The following FBRSL1 variants were observed in gnomAD, a reference collection of about 807,000 sequenced individuals.
FBRSL1 encodes fibrosin like 1, also known as fibrosin-1-like protein.
Under a neutral mutation model 89.6 loss-of-function variants are expected in FBRSL1, and 51 were observed. That is an observed-to-expected ratio of 0.57 (90% CI 0.45 to 0.72). The LOEUF is 0.72. Among genes scored for constraint, FBRSL1 ranks in the 30% least tolerant of loss-of-function variants. The pLI, the probability that FBRSL1 is intolerant of heterozygous loss-of-function variation, is 0.00. For synonymous variants in FBRSL1, 779 were observed against 681.1 expected (o/e 1.14, Z -2.24); for missense variants, 1,618 against 1,451.8 (o/e 1.11, Z -1.86).
chr12:132,549,211 C>T (rs541549850), intron 5 of FBRSL1, among the ~76,000 whole-genome samples: 41 of 152,310 alleles, frequency 2.7e-4, no homozygotes, highest in Non-Finnish European at 5.3e-4. Context: ...GCCGCAGTGC[C>T]GGGCTCAGCC....
In FBRSL1 at chr12:132,525,717, GTCTC is replaced by G; in HGVS notation, c.490-11_490-8del. ...GAGGTGGGGGTTTGCCTGAGACAGT[GTCTC>G]TCTCTGTCCCAGATGAAGGTCACCG... is the stretch of plus-strand genomic sequence containing the variant. On this transcript the variant is annotated splice_polypyrimidine_tract_variant and intron_variant, in intron 2 of 18. Transcript: ENST00000680143. The G allele has an allele frequency of 6.5e-7, 1 of 1,542,018 alleles. No individual in the cohort carries two copies. Among genetic ancestry groups the G allele is most frequent in the Non-Finnish European group, 8.8e-7 (1 of 1,139,504 alleles).
intron 1 of FBRSL1, among the ~76,000 whole-genome samples, chr12:132,500,178 A>G (rs534215198): frequency 1.3e-5 from 2 of 152,052 alleles, no homozygotes; most frequent in South Asian, 2.1e-4. Flanking sequence ...ACCCTGCCCC[A>G]CTGAGGCCAG....
At chr12:132,504,561 C>T (rs530286945) in intron 1 of FBRSL1, among the ~76,000 whole-genome samples, 26 of 152,188 alleles carry the variant, frequency 1.7e-4, no homozygotes, top group Middle Eastern at 3.4e-3. Context: ...CCCCTGTGTG[C>T]GCAGGTGTGG....
intron 5 of FBRSL1, chr12:132,554,163 C>T (rs1449080565): frequency 6.6e-6 from 1 of 152,268 alleles, no homozygotes; most frequent in African/African-American, 2.4e-5. Context: ...GTCAGACCCT[C>T]AAGCGTCGGT....
At chr12:132,510,154 C>T (rs572063621) in intron 2 of FBRSL1, 3 of 1,225,252 alleles carry the variant, frequency 2.4e-6, no homozygotes, top group Non-Finnish European at 3.1e-6. Context: ...CCAGAGCAGC[C>T]CTGCCAGCCC....
intron 4 of FBRSL1, among the ~76,000 whole-genome samples, chr12:132,531,541 C>CTG (rs997871579): frequency 2.1e-5 from 3 of 140,146 alleles, no homozygotes; most frequent in South Asian, 2.3e-4. Context: ...CTCTGGGCCT[C>CTG]TGTGTGTGCG....
At chr12:132,572,756 G>A (rs1343912669) in intron 11 of FBRSL1, 134 bp downstream of exon 11, 1 of 686,722 alleles carries the variant, frequency 1.5e-6, no homozygotes, top group East Asian at 2.7e-5. Context: ...TCATCTGGGT[G>A]CTGGCGTGAG....
In FBRSL1 at chr12:132,580,757, G is replaced by A. The variant is rs190221421; in HGVS notation, c.1835-682G>A. The A allele has an allele frequency of 3.0e-4, 298 of 985,310 alleles. 2 individuals are homozygous for A. The highest frequency in any genetic ancestry group is 8.9e-4 in the South Asian group (19 of 21,280). The allele number at this position is 985,310 out of a possible 1,614,324, so 61.0% of individuals were successfully genotyped here. A position where few individuals can be genotyped will look rare whatever the true frequency, so the allele number is the denominator to read the frequency against. On this transcript the variant is annotated intron_variant, in intron 15 of 18. Coordinates refer to ENST00000680143, the MANE Select transcript of FBRSL1 (RefSeq NM_001367871.1). ...CTAAGATTAGGGCTGGGAGGGAGTC[G>A]GAGTAACCTAAAGATGACGCCCTGC... is the stretch of plus-strand genomic sequence containing the variant.
intron 5 of FBRSL1, among the ~76,000 whole-genome samples, chr12:132,549,518 C>T (rs535907049): frequency 2.8e-4 from 42 of 152,356 alleles, no homozygotes; most frequent in African/African-American, 1.0e-3. Flanking sequence ...CCCCTCCCCA[C>T]CTCCTTTCAT....
intron 2 of FBRSL1, among the ~76,000 whole-genome samples, chr12:132,514,228 G>T (rs1413500562): frequency 6.6e-6 from 1 of 152,066 alleles, no homozygotes; most frequent in Non-Finnish European, 1.5e-5. Context: ...GTGGGGGGCT[G>T]GGGGGGCACC....
At chr12:132,527,878 G>A in intron 3 of FBRSL1, 75 bp from the exon 4 acceptor site, 1 of 1,407,780 alleles carries the variant, frequency 7.1e-7, no homozygotes, top group Non-Finnish European at 9.8e-7. Context: ...GGGCTGCAGG[G>A]CAGCTGTCGG....
At chr12:132,542,408 G>T (rs547149951) in intron 4 of FBRSL1, among the ~76,000 whole-genome samples, 2 of 152,356 alleles carry the variant, frequency 1.3e-5, no homozygotes, top group South Asian at 4.1e-4. Flanking sequence ...GCCACTGTTA[G>T]AGGTACCTCG....
intron 2 of FBRSL1, among the ~76,000 whole-genome samples, chr12:132,516,685 C>T (rs1034770114): frequency 2.0e-5 from 3 of 152,154 alleles, no homozygotes; most frequent in Admixed American, 2.0e-4. Context: ...TAACTATTCC[C>T]ATTTGCCGGA....
intron 5 of FBRSL1, chr12:132,566,436 C>G (rs935110797): frequency 3.3e-5 from 5 of 149,860 alleles, no homozygotes; most frequent in African/African-American, 1.2e-4. Flanking sequence ...GAAGAAGAAA[C>G]TAGGAGGGAA....
rs78543086 is a variant in FBRSL1 at position 132,507,891 on chromosome 12, T to C, written c.292-262T>C. Among the ~76,000 whole-genome samples, 1,786 of 152,224 alleles carry C rather than the reference T, an allele frequency of 0.012. 44 individuals are homozygous for C. In the East Asian group the frequency reaches 0.12, roughly 10 times the overall value. On this transcript the variant is annotated intron_variant, in intron 1 of 18. Transcript: ENST00000680143. ...CCTGTGAAGCTTACTGGAGACTCCC[T>C]GCTGGACTAAGCTTTTTCTCGTCTG...
rs2032603985 is a variant in FBRSL1 at position 132,499,458 on chromosome 12, C to T, written c.291+8597C>T. ...CACCGGCTGTGTGCCAGGCCCTGGG[C>T]CGGCCCCCAAGATACACCCACAGGC... On this transcript the variant is annotated intron_variant, in intron 1 of 18. Coordinates refer to ENST00000680143, the MANE Select transcript of FBRSL1 (RefSeq NM_001367871.1). This position sits in a 1 kb window ranked among gnomAD's most constrained non-coding sequence, Gnocchi z 4.3. Among the ~76,000 whole-genome samples the T allele has an allele frequency of 6.6e-6, 1 of 152,204 alleles. No individual in the cohort carries two copies. The highest frequency in any genetic ancestry group is 1.5e-5 in the Non-Finnish European group (1 of 68,032).
At chr12:132,548,101 G>T in intron 5 of FBRSL1, 69 bp downstream of exon 5, 1 of 1,523,574 alleles carries the variant, frequency 6.6e-7, no homozygotes, top group South Asian at 1.2e-5. Flanking sequence ...TTGGCCCTGT[G>T]AGGTGGGCCC....
At chr12:132,518,942 T>C (rs1234873341) in intron 2 of FBRSL1, among the ~76,000 whole-genome samples, 2 of 141,522 alleles carry the variant, frequency 1.4e-5, no homozygotes, top group Non-Finnish European at 3.1e-5. Context: ...TCTGTCCATC[T>C]ATCCACCCAT....
intron 4 of FBRSL1, among the ~76,000 whole-genome samples, chr12:132,538,268 G>T (rs893018632): frequency 6.6e-6 from 1 of 152,234 alleles, no homozygotes; most frequent in Non-Finnish European, 1.5e-5. Flanking sequence ...GGCTCTCCAG[G>T]CCTGCTCCCT....
Sources: allele counts gnomAD v4.1 joint callset (sites outside exome capture counted in the v4.1 genomes callset), GRCh38; gene constraint gnomAD v4.1.1; non-coding constraint Gnocchi (gnomAD v3.1); transcripts MANE v1.5; gene names NCBI Gene and HGNC (gene_info 2026-07-23, HGNC 2026-07-21).